The following TMEM132D variants were observed in gnomAD, a reference collection of about 807,000 sequenced individuals.
TMEM132D encodes the protein transmembrane protein 132D, also known as mature OL transmembrane protein.
TMEM132D carries 21 observed loss-of-function variants against 62.3 expected under a neutral mutation model. The ratio of observed to expected loss-of-function variants is 0.34; its 90% CI spans 0.24 to 0.49. TMEM132D has a LOEUF of 0.49. Ranked by LOEUF, TMEM132D falls within the 20% of genes least tolerant of loss-of-function variation. The probability of loss-of-function intolerance (pLI) is 0.99; values close to 1 mark genes in which losing one functional copy is unlikely to be tolerated. For missense variants in TMEM132D, 1,346 were observed against 1,402.8 expected (o/e 0.96, Z 0.65); for synonymous variants, 621 against 575.6 (o/e 1.08, Z -1.13).
intron 2 of TMEM132D, among the ~76,000 whole-genome samples, chr12:129,672,784 A>G (rs978372923): frequency 1.2e-4 from 18 of 152,084 alleles, no homozygotes; most frequent in African/African-American, 4.3e-4. Context: ...CAGAGTCTCT[A>G]TTGTCCAGGC....
chr12:129,738,290 A>T (rs2137257374), intron 1 of TMEM132D, among the ~76,000 whole-genome samples: 1 of 152,240 alleles, frequency 6.6e-6, no homozygotes, highest in Non-Finnish European at 1.5e-5. Context: ...CTCCAAATAC[A>T]TAGAGTGGAC....
intron 3 of TMEM132D, among the ~76,000 whole-genome samples, chr12:129,389,487 C>A (rs1871237644): frequency 6.6e-6 from 1 of 152,042 alleles, no homozygotes; most frequent in Non-Finnish European, 1.5e-5. Flanking sequence ...AACACTAACA[C>A]CAACACAAAT....
At chr12:129,385,637 C>G (rs947779017) in intron 3 of TMEM132D, among the ~76,000 whole-genome samples, 2 of 152,144 alleles carry the variant, frequency 1.3e-5, no homozygotes, top group African/African-American at 4.8e-5. Flanking sequence ...AAACACATAT[C>G]AGATCTTCTG....
chr12:129,462,459 A>G (rs1052229056), intron 3 of TMEM132D, among the ~76,000 whole-genome samples: 1 of 152,218 alleles, frequency 6.6e-6, no homozygotes, highest in African/African-American at 2.4e-5. Flanking sequence ...AATTGTTACA[A>G]TCTGAGTTCT....
At chr12:129,680,367 C>T (rs1048438519) in intron 2 of TMEM132D, among the ~76,000 whole-genome samples, 2 of 152,178 alleles carry the variant, frequency 1.3e-5, no homozygotes, top group South Asian at 2.1e-4. Context: ...ATTGATTTCT[C>T]ACCTTTGCAT....
intron 1 of TMEM132D, among the ~76,000 whole-genome samples, chr12:129,762,068 G>C (rs905719107): frequency 2.6e-5 from 4 of 152,076 alleles, no homozygotes; most frequent in African/African-American, 9.7e-5. Flanking sequence ...AGAAGACTAG[G>C]ACAATTAGAA....
intron 3 of TMEM132D, among the ~76,000 whole-genome samples, chr12:129,512,263 C>T (rs1875517763): frequency 6.6e-6 from 1 of 152,058 alleles, no homozygotes; most frequent in Non-Finnish European, 1.5e-5. Flanking sequence ...CAGGATTGGC[C>T]CAGGGAGAGG....
In TMEM132D at chr12:129,617,769, T is replaced by C. The variant is rs367784336; in HGVS notation, c.968+82041A>G. Reference sequence around the variant, plus strand: ...AAGGGGGCAGCATCTCTCTGATGCCTCTTTTCATAAGGGCACTAATCCCAT... The same window carrying C: ...AAGGGGGCAGCATCTCTCTGATGCCCCTTTTCATAAGGGCACTAATCCCAT... On this transcript the variant is annotated intron_variant, in intron 2 of 8. Coordinates refer to ENST00000422113, the MANE Select transcript of TMEM132D (RefSeq NM_133448.3). 2.1e-3 allele frequency among the ~76,000 whole-genome samples: 321 copies of C among 152,286 alleles called. 10 individuals are homozygous for C. In the South Asian group the frequency reaches 0.065, roughly 31 times the overall value.
At chr12:129,782,624 T>TA (rs1448240924) in intron 1 of TMEM132D, among the ~76,000 whole-genome samples, 2 of 152,244 alleles carry the variant, frequency 1.3e-5, no homozygotes, top group Admixed American at 1.3e-4. Flanking sequence ...GTATTCCTGA[T>TA]AAATCCATGT....
rs534868390 is a variant in TMEM132D at position 129,209,568 on chromosome 12, C to T, written c.1395G>A (p.Glu465=). Reference sequence around the variant, plus strand: ...ATCTACACTCCACAGACTCCAGCAGCTCTGTCACTGTGCCGTCGTCCTCCA... The same window carrying T: ...ATCTACACTCCACAGACTCCAGCAGTTCTGTCACTGTGCCGTCGTCCTCCA... The part of the protein sequence containing the change: ...VSVEDDGTVT[E]LLESVECRSS... The change falls in exon 5 of 9, where the codon GAG becomes GAA. Residue 465 remains glutamate, a synonymous_variant. Coordinates refer to ENST00000422113, the MANE Select transcript of TMEM132D (RefSeq NM_133448.3). 1 of 1,614,206 alleles carries T rather than the reference C, an allele frequency of 6.2e-7. No homozygotes were observed. Among genetic ancestry groups the T allele is most frequent in the African/African-American group, 1.3e-5 (1 of 75,064 alleles).
chr12:129,470,249 T>G (rs778553126), intron 3 of TMEM132D, among the ~76,000 whole-genome samples: 6 of 152,202 alleles, frequency 3.9e-5, no homozygotes, highest in Non-Finnish European at 5.9e-5. Flanking sequence ...TCACAGACAA[T>G]TCCCCTGGGC....
intron 3 of TMEM132D, among the ~76,000 whole-genome samples, chr12:129,380,556 G>A (rs1213240308): frequency 7.5e-5 from 6 of 80,098 alleles, no homozygotes; most frequent in South Asian, 6.3e-4. Context: ...ACTTGCAGAC[G>A]TTGTGTGTGT....
chr12:129,176,148 C>T (rs1345614971), intron 5 of TMEM132D, among the ~76,000 whole-genome samples: 2 of 152,184 alleles, frequency 1.3e-5, no homozygotes, highest in Non-Finnish European at 2.9e-5. Context: ...GTTCATACCT[C>T]CAGAGTTATC....
At chr12:129,130,710 C>T (rs574586984) in intron 5 of TMEM132D, among the ~76,000 whole-genome samples, 3 of 152,184 alleles carry the variant, frequency 2.0e-5, no homozygotes, top group Admixed American at 1.3e-4. Flanking sequence ...AGAGGAGAGA[C>T]AGGGTGGTCA....
At chr12:129,489,153 A>C (rs758564113) in intron 3 of TMEM132D, among the ~76,000 whole-genome samples, 4 of 152,238 alleles carry the variant, frequency 2.6e-5, no homozygotes, top group Non-Finnish European at 4.4e-5. Context: ...CGAAAATTAA[A>C]ATTATGTTGA....
At chr12:129,747,250 G>A (rs140488914) in intron 1 of TMEM132D, among the ~76,000 whole-genome samples, 541 of 30,440 alleles carry the variant, frequency 0.018, 8 homozygotes, top group African/African-American at 0.038. Context: ...TGACCCGGGC[G>A]GGGCAGCTGC....
chr12:129,732,224 A>G (rs1869272872), intron 1 of TMEM132D, among the ~76,000 whole-genome samples: 1 of 152,092 alleles, frequency 6.6e-6, no homozygotes. Flanking sequence ...TATAAAGAAT[A>G]TATCTGTTCT....
chr12:129,776,980 C>CT (rs1870955756), intron 1 of TMEM132D, among the ~76,000 whole-genome samples: 1 of 152,056 alleles, frequency 6.6e-6, no homozygotes, highest in East Asian at 1.9e-4. Flanking sequence ...GAGATGTGTT[C>CT]TTTTTTATTA....
At chr12:129,604,206 A>T (rs1878556108) in intron 2 of TMEM132D, among the ~76,000 whole-genome samples, 1 of 152,078 alleles carries the variant, frequency 6.6e-6, no homozygotes, top group Non-Finnish European at 1.5e-5. Flanking sequence ...CTAGGAAAAA[A>T]ACCTACTGCA....
Sources: gnomAD v4.1 joint callset for allele counts (sites outside exome capture counted in the v4.1 genomes callset) on GRCh38, gnomAD v4.1.1 for gene constraint, MANE v1.5 for transcripts, NCBI Gene and HGNC (gene_info 2026-07-23, HGNC 2026-07-21) for gene names.